PGR: variants seen among roughly 807,000 people sequenced by gnomAD.
PGR encodes the protein progesterone receptor, also known as nuclear receptor subfamily 3 group C member 3.
PGR carries 25 observed loss-of-function variants against 76.1 expected under a neutral mutation model. That is an observed-to-expected ratio of 0.33 (90% CI 0.24 to 0.46). PGR has a LOEUF of 0.46. PGR is among the 20% of genes least tolerant of loss of function. PGR has a pLI of 1.00. For missense variants in PGR, 1,172 were observed against 1,225.3 expected (o/e 0.96, Z 0.65); for synonymous variants, 579 against 535.0 (o/e 1.08, Z -1.14).
At chr11:101,046,261 GACTACA>G (rs1859877344) in intron 6 of PGR, among the ~76,000 whole-genome samples, 1 of 144,020 alleles carries the variant, frequency 6.9e-6, no homozygotes, top group Non-Finnish European at 1.5e-5. Flanking sequence ...GGCTACCTGG[GACTACA>G]GGCACTTGCC....
intron 2 of PGR, among the ~76,000 whole-genome samples, chr11:101,119,859 G>T (rs1188946954): frequency 6.6e-6 from 1 of 152,086 alleles, no homozygotes; most frequent in Non-Finnish European, 1.5e-5. Context: ...ACAGAAGCAG[G>T]AATTTAAGAT....
intron 2 of PGR, among the ~76,000 whole-genome samples, chr11:101,121,203 A>T (rs1565369097): frequency 2.6e-5 from 4 of 152,246 alleles, no homozygotes; most frequent in Admixed American, 2.6e-4. Flanking sequence ...AAGCTGCTAT[A>T]GAGCAGACTC....
intron 6 of PGR, 29 bp from the exon 7 acceptor site, chr11:101,042,131 T>G: frequency 6.2e-7 from 1 of 1,610,244 alleles, no homozygotes; most frequent in Non-Finnish European, 8.5e-7. Flanking sequence ...AAAGTGGCAG[T>G]TGTGTATAAA....
At chr11:101,042,206 A>G in intron 6 of PGR, 104 bp from the exon 7 acceptor site, 1 of 1,196,862 alleles carries the variant, frequency 8.4e-7, no homozygotes, top group Non-Finnish European at 1.2e-6. Flanking sequence ...CTGATACATG[A>G]CTCTAGAAAA....
At chr11:101,112,012 C>T (rs1862359979) in intron 2 of PGR, among the ~76,000 whole-genome samples, 1 of 152,002 alleles carries the variant, frequency 6.6e-6, no homozygotes, top group Non-Finnish European at 1.5e-5. Context: ...GAAAACCAAG[C>T]GAATAAAGTA....
At chr11:101,063,511 T>C (rs576498267) in intron 3 of PGR, 5 of 152,216 alleles carry the variant, frequency 3.3e-5, no homozygotes, top group South Asian at 2.1e-4. Flanking sequence ...TGAGAAATGA[T>C]TGAAGGAGAA....
At position 101,128,440 on chromosome 11, in the gene PGR, T is replaced by C. The variant is rs1338718666; in HGVS notation, c.631A>G (p.Lys211Glu). The change falls in exon 1 of 8, where the codon AAG (lysine) becomes GAG (glutamate). Residue 211 changes from lysine (K) to glutamate (E), a missense_variant. Around this residue, in one of 4 missense-constraint regions of PGR, gnomAD observed 893 missense variants for 785.9 expected, o/e 1.14. Coordinates refer to ENST00000325455, the MANE Select transcript of PGR (RefSeq NM_000926.4). ...ACCGCAGCGGCCTGCGGAGACGGCTTCACTGGGGCCCCGGACCAGTGAGGG... is the reference window on the plus strand; with the variant it reads ...ACCGCAGCGGCCTGCGGAGACGGCTCCACTGGGGCCCCGGACCAGTGAGGG... ...ESPHWSGAPV[K>E]PSPQAAAVEV... 6.2e-7 allele frequency: 1 copy of C among 1,610,476 alleles called. No individual in the cohort carries two copies. The highest frequency in any genetic ancestry group is 1.1e-5 in the South Asian group (1 of 91,052).
chr11:101,119,933 T>C (rs1176063974), intron 2 of PGR, among the ~76,000 whole-genome samples: 6 of 152,200 alleles, frequency 3.9e-5, no homozygotes, highest in Non-Finnish European at 8.8e-5. Flanking sequence ...CTGTAAAATA[T>C]AGATACTAAC....
At chr11:101,101,447 C>G (rs1861994804) in intron 2 of PGR, among the ~76,000 whole-genome samples, 1 of 152,120 alleles carries the variant, frequency 6.6e-6, no homozygotes, top group South Asian at 2.1e-4. Context: ...CAGATTGCCT[C>G]TTGGAAGAGA....
chr11:101,046,800 G>T (rs1170581313), intron 6 of PGR, among the ~76,000 whole-genome samples: 2 of 151,828 alleles, frequency 1.3e-5, no homozygotes, highest in Non-Finnish European at 2.9e-5. Context: ...TCATTGATTT[G>T]TGGTTTCCAC....
intron 6 of PGR, among the ~76,000 whole-genome samples, chr11:101,046,238 A>G (rs1273146317): frequency 7.7e-6 from 1 of 130,188 alleles, no homozygotes; most frequent in African/African-American, 3.0e-5. Flanking sequence ...TGATCCTCCC[A>G]CCTCAGTTTC....
At chr11:101,078,955 T>A (rs1277061046) in intron 3 of PGR, among the ~76,000 whole-genome samples, 1 of 152,104 alleles carries the variant, frequency 6.6e-6, no homozygotes, top group African/African-American at 2.4e-5. Context: ...TGGAACAGAA[T>A]AGAGAACCCA....
chr11:101,067,146 G>T (rs1003778228), intron 3 of PGR, among the ~76,000 whole-genome samples: 5 of 152,048 alleles, frequency 3.3e-5, no homozygotes, highest in Non-Finnish European at 5.9e-5. Context: ...CTGCCTTGGG[G>T]TCTTACACTG....
rs1052227689 is a variant in PGR, at chr11:101,128,380, C to T, written c.691G>A (p.Glu231Lys). The T allele has an allele frequency of 4.4e-6, 7 of 1,608,384 alleles. No homozygotes were observed. The highest frequency in any genetic ancestry group is 4.0e-5 in the African/African-American group (3 of 74,918). Residue 231 changes from glutamate (E) to lysine (K), a missense_variant, in exon 1 of 8, where the codon GAG becomes AAG. Physicochemically the swap from Glu to Lys is moderately conservative, Grantham distance 56 (BLOSUM62 1). Around this residue, in one of 4 missense-constraint regions of PGR, gnomAD observed 893 missense variants for 785.9 expected, o/e 1.14. Transcript: ENST00000325455. ...CCCTTCAGAAGCGGACCCGCAGACT[C>T]CTCGGACTCAGAGCCATCCTCCTCC... ...VEEEDGSESE[E>K]SAGPLLKGKP...
In PGR at chr11:101,046,261, G is replaced by A. The variant is rs182111622; in HGVS notation, c.2488+3668C>T. Among the ~76,000 whole-genome samples, 328 of 144,056 alleles carry A rather than the reference G, an allele frequency of 2.3e-3. 2 individuals are homozygous for A. The highest frequency in any genetic ancestry group is 7.9e-3 in the African/African-American group (306 of 38,662). 94.5% of individuals were successfully genotyped at this position (144,056 alleles called of 152,430 possible). On this transcript the variant is annotated intron_variant, in intron 6 of 7. Coordinates refer to ENST00000325455, the MANE Select transcript of PGR (RefSeq NM_000926.4). ...CCACCTCAGTTTCCCGGCTACCTGGGACTACAGGCACTTGCCACTACGCCT... is the reference window on the plus strand; with the variant it reads ...CCACCTCAGTTTCCCGGCTACCTGGAACTACAGGCACTTGCCACTACGCCT...
chr11:101,091,936 T>C (rs1861687976), intron 2 of PGR, 60 bp from the exon 3 acceptor site: 10 of 876,236 alleles, frequency 1.1e-5, no homozygotes, highest in Middle Eastern at 2.4e-4. Context: ...GGAAATTCTA[T>C]GCAGTGACAA....
chr11:101,122,952 C>T (rs993692423), intron 2 of PGR, among the ~76,000 whole-genome samples: 24 of 152,250 alleles, frequency 1.6e-4, no homozygotes, highest in African/African-American at 5.5e-4. Flanking sequence ...TCACTTTTAC[C>T]TTCCTAGATG....
intron 3 of PGR, chr11:101,063,053 TAGG>T (rs1241328089): frequency 7.4e-6 from 2 of 269,992 alleles, no homozygotes; most frequent in Non-Finnish European, 7.1e-6. Context: ...TGGAGCTTTT[TAGG>T]AGAAGATATG....
chr11:101,094,821 T>G lies in PGR; in HGVS notation c.1790-2945A>C, dbSNP rs1285601155. On this transcript the variant is annotated intron_variant, in intron 2 of 7. Coordinates refer to ENST00000325455, the MANE Select transcript of PGR (RefSeq NM_000926.4). The stretch of plus-strand genomic sequence containing the variant: ...CCCCTTCAAAATTCATATTGAAACT[T>G]AATCCCCAATGTGACAATATTAAGA... Among the ~76,000 whole-genome samples the G allele has an allele frequency of 3.3e-5, 5 of 152,190 alleles. No homozygotes were observed. In the South Asian group the frequency reaches 1.0e-3, roughly 31 times the overall value.
Sources: allele counts gnomAD v4.1 joint callset (sites outside exome capture counted in the v4.1 genomes callset), GRCh38; gene constraint gnomAD v4.1.1; regional missense constraint gnomAD v4.1.1; transcripts MANE v1.5; gene names NCBI Gene and HGNC (gene_info 2026-07-23, HGNC 2026-07-21).